The following TRHDE variants were observed in gnomAD, a reference collection of about 807,000 sequenced individuals.
TRHDE encodes the protein thyrotropin-releasing hormone-degrading ectoenzyme.
Under a neutral mutation model 125.7 loss-of-function variants are expected in TRHDE, and 72 were observed. That is an observed-to-expected ratio of 0.57 (90% CI 0.47 to 0.70). TRHDE has a LOEUF of 0.70. Among genes scored for constraint, TRHDE ranks in the 30% least tolerant of loss-of-function variants. The pLI, the probability that TRHDE is intolerant of heterozygous loss-of-function variation, is 0.00. For synonymous variants in TRHDE, 509 were observed against 509.1 expected (o/e 1.00, Z 0.00); for missense variants, 1,110 against 1,327.1 (o/e 0.84, Z 2.54).
At chr12:72,354,378 A>G (rs1870719405) in intron 2 of TRHDE, among the ~76,000 whole-genome samples, 1 of 151,456 alleles carries the variant, frequency 6.6e-6, no homozygotes, top group Non-Finnish European at 1.5e-5. Context: ...AAGAATAAAA[A>G]TCTGAAACAG....
At chr12:72,540,189 CTAGT>C (rs894894814) in intron 6 of TRHDE, among the ~76,000 whole-genome samples, 23 of 151,544 alleles carry the variant, frequency 1.5e-4, no homozygotes, top group Non-Finnish European at 1.6e-4. Flanking sequence ...AAAGAAAAGG[CTAGT>C]TAAACATAGA....
chr12:72,285,987 C>T (rs529769880), intron 1 of TRHDE, among the ~76,000 whole-genome samples: 2 of 152,220 alleles, frequency 1.3e-5, no homozygotes, highest in African/African-American at 4.8e-5. Context: ...AGCAACTGCT[C>T]CATGCTAGTC....
rs111942671 is a variant in TRHDE, at chr12:72,496,891, G to T, written c.1585-2607G>T. On this transcript the variant is annotated intron_variant, in intron 5 of 18. Transcript: ENST00000261180. ...CATTTCTCATTTTATAGTGACACAG[G>T]TCTTTATAAAAAATTAGCACCTTCT... Among the ~76,000 whole-genome samples the T allele has an allele frequency of 2.1e-3, 324 of 152,158 alleles. 5 individuals carry two copies. The highest frequency in any genetic ancestry group is 0.017 in the Middle Eastern group (5 of 294).
chr12:72,150,131 G>C (rs1592459371), intron 2 of TRHDE, among the ~76,000 whole-genome samples: 7 of 152,106 alleles, frequency 4.6e-5, no homozygotes, highest in Admixed American at 4.6e-4. Context: ...ATACTAGAAG[G>C]GAAGTGGAAC....
intron 2 of TRHDE, among the ~76,000 whole-genome samples, chr12:72,152,388 T>C (rs1302324813): frequency 6.6e-6 from 1 of 151,898 alleles, no homozygotes; most frequent in Non-Finnish European, 1.5e-5. Context: ...TACCCTTTAT[T>C]TCCTTCTCCT....
intron 2 of TRHDE, among the ~76,000 whole-genome samples, chr12:72,171,232 G>A (rs1209771322): frequency 6.6e-6 from 1 of 151,282 alleles, no homozygotes; most frequent in Non-Finnish European, 1.5e-5. Context: ...TAGAAAAAGA[G>A]GCCTTATCTA....
intron 17 of TRHDE, among the ~76,000 whole-genome samples, chr12:72,654,834 T>C (rs751121810): frequency 2.0e-5 from 3 of 152,164 alleles, no homozygotes; most frequent in Non-Finnish European, 4.4e-5. Context: ...CCCAGTACTC[T>C]TACAATAATA....
intron 5 of TRHDE, among the ~76,000 whole-genome samples, chr12:72,493,590 G>A (rs1017268108): frequency 2.0e-5 from 3 of 151,876 alleles, no homozygotes; most frequent in Non-Finnish European, 4.4e-5. Flanking sequence ...TCTAAATGTA[G>A]CCCTGATGAT....
chr12:72,259,976 G>A (rs1302762483), intron 2 of TRHDE, among the ~76,000 whole-genome samples: 1 of 152,180 alleles, frequency 6.6e-6, no homozygotes, highest in Non-Finnish European at 1.5e-5. Flanking sequence ...CAGAGTTATA[G>A]CATGTGAGTA....
intron 12 of TRHDE, among the ~76,000 whole-genome samples, chr12:72,614,330 A>ATATATATTTTTTT: frequency 7.7e-6 from 1 of 129,842 alleles, no homozygotes; most frequent in African/African-American, 3.1e-5. Context: ...ATATATATAT[A>ATATATATTTTTTT]TTTTTTTTTT....
chr12:72,566,227 G>T (rs1405239176), intron 9 of TRHDE, among the ~76,000 whole-genome samples: 1 of 151,864 alleles, frequency 6.6e-6, no homozygotes, highest in Non-Finnish European at 1.5e-5. Context: ...CTTTTAATTT[G>T]TCTTTGTTAC....
chr12:72,097,432 CTCACTGAATTTT>C (rs1566212314), intron 1 of TRHDE, among the ~76,000 whole-genome samples: 3 of 11,802 alleles, frequency 2.5e-4, no homozygotes, highest in Non-Finnish European at 1.1e-3. Flanking sequence ...GTAGCATTTT[CTCACTGAATTTT>C]TTTTTTTTTT....
chr12:72,388,921 T>A lies in TRHDE; in HGVS notation c.1315+10800T>A, dbSNP rs185390083. ...GCTCTTCTCCTCCTTGTTGTTTTTT[T>A]AAAAGAGAACATTTACTGTAGATTT... On this transcript the variant is annotated intron_variant, in intron 3 of 18. Transcript: ENST00000261180. Among the ~76,000 whole-genome samples, 23 of 151,662 alleles carry A rather than the reference T, an allele frequency of 1.5e-4. No individual in the cohort carries two copies. The East Asian group carries it at 4.4e-3, about 29-fold the overall frequency.
At chr12:72,406,980 C>T (rs1033518786) in intron 3 of TRHDE, among the ~76,000 whole-genome samples, 81 of 152,260 alleles carry the variant, frequency 5.3e-4, no homozygotes, top group African/African-American at 1.6e-3. Flanking sequence ...GTTCGCTTCC[C>T]ATGCAGAATT....
chr12:72,235,563 T>C (rs1165405956), intron 2 of TRHDE, among the ~76,000 whole-genome samples: 1 of 152,210 alleles, frequency 6.6e-6, no homozygotes, highest in Admixed American at 6.6e-5. Context: ...TATAATTTTC[T>C]TGTTCACAGG....
At position 72,473,554 on chromosome 12, in the gene TRHDE, G is replaced by A. The variant is rs144659107; in HGVS notation, c.1584+374G>A. The stretch of plus-strand genomic sequence containing the variant: ...TGAGGACTTGACATCTCATTCATGA[G>A]ATAAAACACAAAAAATACCTAAAAG... On this transcript the variant is annotated intron_variant, in intron 5 of 18. Coordinates refer to ENST00000261180, the MANE Select transcript of TRHDE (RefSeq NM_013381.3). 1.9e-4 allele frequency among the ~76,000 whole-genome samples: 29 copies of A among 151,944 alleles called. 1 individual carries two copies. The East Asian group carries it at 4.6e-3, about 24-fold the overall frequency.
chr12:72,498,794 G>C (rs745672379), intron 5 of TRHDE, among the ~76,000 whole-genome samples: 2 of 152,082 alleles, frequency 1.3e-5, no homozygotes, highest in Non-Finnish European at 2.9e-5. Context: ...GAAGTCTTAT[G>C]ATTTTTCTAT....
At chr12:72,492,251 T>C (rs1877717263) in intron 5 of TRHDE, among the ~76,000 whole-genome samples, 1 of 151,990 alleles carries the variant, frequency 6.6e-6, no homozygotes, top group South Asian at 2.1e-4. Context: ...CAGTATGATT[T>C]AGCTGTGCAT....
intron 3 of TRHDE, among the ~76,000 whole-genome samples, chr12:72,409,371 G>A (rs1873399766): frequency 1.3e-5 from 2 of 152,168 alleles, no homozygotes; most frequent in African/African-American, 4.8e-5. Context: ...AATAGAAATA[G>A]AAACACATGG....
Sources: allele counts gnomAD v4.1 joint callset (sites outside exome capture counted in the v4.1 genomes callset), GRCh38; gene constraint gnomAD v4.1.1; transcripts MANE v1.5; gene names NCBI Gene and HGNC (gene_info 2026-07-23, HGNC 2026-07-21).